DCDC1: variants seen among roughly 807,000 people sequenced by gnomAD.
DCDC1 encodes doublecortin domain containing 1.
DCDC1 carries 200 observed loss-of-function variants against 178.3 expected under a neutral mutation model. That is an observed-to-expected ratio of 1.12 (90% CI 1.00 to 1.26). The LOEUF is 1.26. Among genes scored for constraint, DCDC1 ranks in the 50% most tolerant of loss-of-function variants. The probability of loss-of-function intolerance (pLI) is 0.00; values close to 1 mark genes in which losing one functional copy is unlikely to be tolerated. For missense variants in DCDC1, 1,983 were observed against 1,749.2 expected (o/e 1.13, Z -2.38); for synonymous variants, 690 against 604.8 (o/e 1.14, Z -2.07).
At chr11:30,972,640 A>G (rs1380913329) in intron 20 of DCDC1, among the ~76,000 whole-genome samples, 1 of 152,192 alleles carries the variant, frequency 6.6e-6, no homozygotes, top group Non-Finnish European at 1.5e-5. Flanking sequence ...GAAAGAAACA[A>G]GGCTATACCA....
At position 31,290,855 on chromosome 11, in the gene DCDC1, A is replaced by G. The variant is rs764863960; in HGVS notation, c.755-3T>C. On this transcript the variant is annotated splice_polypyrimidine_tract_variant and splice_region_variant and intron_variant, in intron 6 of 38. Coordinates refer to ENST00000684477, the MANE Select transcript of DCDC1 (RefSeq NM_001387274.1). Reference sequence around the variant, plus strand: ...TTTCTTAATTAACAACAGATGGTCTAGAAGATAATTTTTTAAGTCAAGTCA... The same window carrying G: ...TTTCTTAATTAACAACAGATGGTCTGGAAGATAATTTTTTAAGTCAAGTCA... 5 of 1,602,052 alleles carry G rather than the reference A, an allele frequency of 3.1e-6. No individual in the cohort carries two copies. Among genetic ancestry groups the G allele is most frequent in the Non-Finnish European group, 4.2e-6 (5 of 1,176,490 alleles).
chr11:31,167,030 G>A (rs1591286197), intron 9 of DCDC1, among the ~76,000 whole-genome samples: 1 of 152,156 alleles, frequency 6.6e-6, no homozygotes, highest in Non-Finnish European at 1.5e-5. Flanking sequence ...CCACAGCTAG[G>A]TAGGCTGTCT....
At chr11:30,952,279 C>T (rs1291974103) in intron 21 of DCDC1, among the ~76,000 whole-genome samples, 166 bp downstream of exon 21, 1 of 152,128 alleles carries the variant, frequency 6.6e-6, no homozygotes, top group Non-Finnish European at 1.5e-5. Flanking sequence ...TAATGGGAGA[C>T]TTAAACACAT....
chr11:31,235,626 A>G (rs1216206438), intron 9 of DCDC1, among the ~76,000 whole-genome samples: 1 of 152,026 alleles, frequency 6.6e-6, no homozygotes. Context: ...AAGAAAAGTA[A>G]GGTGATAACT....
chr11:30,997,720 A>G (rs1951346737), intron 20 of DCDC1, among the ~76,000 whole-genome samples: 1 of 152,208 alleles, frequency 6.6e-6, no homozygotes, highest in African/African-American at 2.4e-5. Context: ...CCAATAACCA[A>G]GACAGGAATG....
At chr11:30,944,351 A>T (rs1195174798) in intron 21 of DCDC1, 1 of 456,568 alleles carries the variant, frequency 2.2e-6, no homozygotes, top group Non-Finnish European at 4.4e-6. Flanking sequence ...CTAAATATGT[A>T]AGACATAATG....
intron 20 of DCDC1, among the ~76,000 whole-genome samples, chr11:30,976,176 G>A (rs948641596): frequency 1.3e-5 from 2 of 151,614 alleles, no homozygotes; most frequent in South Asian, 4.2e-4. Context: ...AATGAAATTA[G>A]ACAAAAATCA....
At chr11:30,936,641 A>C (rs1259358778) in intron 21 of DCDC1, among the ~76,000 whole-genome samples, 1 of 152,142 alleles carries the variant, frequency 6.6e-6, no homozygotes. Flanking sequence ...TTATCACCAA[A>C]CTTCACATTC....
chr11:31,255,777 T>G (rs1944382297), intron 8 of DCDC1, among the ~76,000 whole-genome samples: 2 of 152,200 alleles, frequency 1.3e-5, no homozygotes, highest in African/African-American at 4.8e-5. Context: ...ATGGTTTGTC[T>G]TTTCACTTTC....
chr11:30,936,339 A>G (rs1947276319), intron 21 of DCDC1, among the ~76,000 whole-genome samples: 1 of 152,186 alleles, frequency 6.6e-6, no homozygotes, highest in South Asian at 2.1e-4. Context: ...AATGGGAGAC[A>G]TTTGGTTCAA....
intron 20 of DCDC1, among the ~76,000 whole-genome samples, chr11:30,954,005 C>CT (rs5790847): frequency 0.021 from 1,586 of 76,496 alleles, 72 homozygotes; most frequent in African/African-American, 0.03. Flanking sequence ...TACAACAATT[C>CT]TTTTTTTTTT....
chr11:31,006,038 C>T (rs1403740761), intron 20 of DCDC1, among the ~76,000 whole-genome samples: 2 of 149,748 alleles, frequency 1.3e-5, no homozygotes, highest in African/African-American at 4.9e-5. Context: ...CCAAACCTTT[C>T]AGTGTTTCCA....
intron 8 of DCDC1, among the ~76,000 whole-genome samples, chr11:31,246,487 G>A (rs1943577555): frequency 6.6e-6 from 1 of 150,956 alleles, no homozygotes; most frequent in Non-Finnish European, 1.5e-5. Flanking sequence ...TTTAAATGAA[G>A]TTGACCTAAA....
intron 9 of DCDC1, among the ~76,000 whole-genome samples, chr11:31,197,341 C>T (rs186174962): frequency 7.2e-5 from 11 of 152,100 alleles, no homozygotes; most frequent in East Asian, 1.9e-4. Context: ...ACTAAATATA[C>T]AAATATCTTT....
intron 11 of DCDC1, among the ~76,000 whole-genome samples, chr11:31,125,956 G>T (rs538980552): frequency 4.6e-5 from 7 of 152,154 alleles, no homozygotes; most frequent in Admixed American, 1.3e-4. Flanking sequence ...ATGCAAAAAA[G>T]GGAGTATATA....
At chr11:31,131,224 G>A in intron 10 of DCDC1, among the ~76,000 whole-genome samples, 1 of 150,214 alleles carries the variant, frequency 6.7e-6, no homozygotes, top group African/African-American at 2.5e-5. Flanking sequence ...TTAATGAAAA[G>A]AAAAAGAAAA....
At chr11:31,007,911 C>T (rs1375061760) in intron 20 of DCDC1, among the ~76,000 whole-genome samples, 1 of 152,124 alleles carries the variant, frequency 6.6e-6, no homozygotes, top group Non-Finnish European at 1.5e-5. Context: ...GATCTGCCTG[C>T]CTCAGCCTCC....
intron 3 of DCDC1, among the ~76,000 whole-genome samples, chr11:31,314,718 G>A (rs1948965072): frequency 6.8e-6 from 1 of 148,032 alleles, no homozygotes; most frequent in Admixed American, 6.7e-5. Context: ...TATCTGATTA[G>A]GTCAGGCACA....
chr11:31,273,434 G>T (rs1591607406), intron 7 of DCDC1, among the ~76,000 whole-genome samples: 1 of 152,140 alleles, frequency 6.6e-6, no homozygotes, highest in East Asian at 1.9e-4. Context: ...TAGGGCAGGG[G>T]CAACATACCA....
Sources: gnomAD v4.1 joint callset for allele counts (sites outside exome capture counted in the v4.1 genomes callset) on GRCh38, gnomAD v4.1.1 for gene constraint, MANE v1.5 for transcripts, NCBI Gene and HGNC (gene_info 2026-07-23, HGNC 2026-07-21) for gene names.